Variants in TBC1D4 observed in about 807,000 individuals in gnomAD.
TBC1D4 encodes TBC1 domain family member 4.
A neutral mutation model predicts 142.5 loss-of-function variants in TBC1D4; 121 were observed. The ratio of observed to expected loss-of-function variants is 0.85; its 90% confidence interval spans 0.73 to 0.99. TBC1D4 has a LOEUF of 0.99. Among genes scored for constraint, TBC1D4 ranks in the 50% least tolerant of loss-of-function variants. The pLI is 0.00. For synonymous variants in TBC1D4, 630 were observed against 628.2 expected (o/e 1.00, Z -0.04); for missense variants, 1,475 against 1,606.6 (o/e 0.92, Z 1.40).
At chr13:75,394,160 T>A (rs1388723351) in intron 1 of TBC1D4, among the ~76,000 whole-genome samples, 1 of 152,178 alleles carries the variant, frequency 6.6e-6, no homozygotes, top group Admixed American at 6.5e-5. Context: ...TACAATTACC[T>A]TATAAGACAA....
intron 13 of TBC1D4, among the ~76,000 whole-genome samples, chr13:75,311,589 T>C (rs1877759918): frequency 6.6e-6 from 1 of 152,190 alleles, no homozygotes; most frequent in Admixed American, 6.5e-5. Flanking sequence ...TATCAATATA[T>C]TCATGGCTTT....
intron 8 of TBC1D4, among the ~76,000 whole-genome samples, chr13:75,332,967 A>T (rs911340723): frequency 7.2e-5 from 11 of 152,240 alleles, no homozygotes; most frequent in Non-Finnish European, 1.5e-4. Context: ...TTAACTAAAC[A>T]TATTCTTATA....
chr13:75,306,319 T>C lies in TBC1D4; in HGVS notation c.2746A>G (p.Lys916Glu), dbSNP rs1256861908. ...CDMEDIHTLL[K>E]EGVPKSRRGE... ...CTGAGATTATCCCAAATACCTTCTT[T>C]AAGAAGAGTATGAATATCTTCCATA... is the stretch of plus-strand genomic sequence containing the variant. Residue 916 changes from lysine (K) to glutamate (E), a missense_variant, in exon 15 of 21, where the codon AAA becomes GAA. Coordinates refer to ENST00000377636, the MANE Select transcript of TBC1D4 (RefSeq NM_014832.5). 6.2e-7 allele frequency: 1 copy of C among 1,610,050 alleles called. No homozygotes were observed.
intron 1 of TBC1D4, among the ~76,000 whole-genome samples, chr13:75,428,645 T>G (rs1228573576): frequency 6.6e-6 from 1 of 152,192 alleles, no homozygotes; most frequent in Non-Finnish European, 1.5e-5. Context: ...GAGGAGCAAT[T>G]TTCTTCCAAA....
At chr13:75,462,832 G>A (rs1204749984) in intron 1 of TBC1D4, among the ~76,000 whole-genome samples, 3 of 152,114 alleles carry the variant, frequency 2.0e-5, no homozygotes, top group Admixed American at 6.5e-5. Context: ...CCACCTCCCC[G>A]CTGCTTGTAA....
At chr13:75,373,201 A>G (rs1258602277) in intron 1 of TBC1D4, among the ~76,000 whole-genome samples, 1 of 152,218 alleles carries the variant, frequency 6.6e-6, no homozygotes, top group Non-Finnish European at 1.5e-5. Flanking sequence ...AAAAAACGCC[A>G]CACATTTCTC....
intron 1 of TBC1D4, among the ~76,000 whole-genome samples, chr13:75,418,828 T>C (rs933467632): frequency 6.6e-6 from 1 of 152,212 alleles, no homozygotes; most frequent in African/African-American, 2.4e-5. Context: ...ATTCACTCCC[T>C]ACTCTCTGCT....
chr13:75,294,086 G>C (rs759832630), intron 18 of TBC1D4, among the ~76,000 whole-genome samples: 4 of 152,202 alleles, frequency 2.6e-5, no homozygotes, highest in Non-Finnish European at 5.9e-5. Context: ...ACAAACCTCT[G>C]ATGAAGAGTT....
At chr13:75,302,821 T>C in intron 15 of TBC1D4, 2 of 228,370 alleles carry the variant, frequency 8.8e-6, no homozygotes, top group Non-Finnish European at 1.7e-5. Context: ...GGCTAGGAAG[T>C]GGCAGTTTAG....
Position 75,345,668 on chromosome 13 carries a change from G to A in TBC1D4, c.1408+3502C>T, listed in dbSNP as rs574108402. On this transcript the variant is annotated intron_variant, in intron 5 of 20. Coordinates refer to ENST00000377636, the MANE Select transcript of TBC1D4 (RefSeq NM_014832.5). ...AGCACTTTGGGAGGCCAAGGCGGGCGGATTGCCTGAGCTCAGGAGTTTGAG... is the reference window on the plus strand; with the variant it reads ...AGCACTTTGGGAGGCCAAGGCGGGCAGATTGCCTGAGCTCAGGAGTTTGAG... Among the ~76,000 whole-genome samples the A allele has an allele frequency of 3.0e-3, 452 of 152,006 alleles. 5 individuals are homozygous for A. The highest frequency in any genetic ancestry group is 3.4e-3 in the Middle Eastern group (1 of 294).
chr13:75,463,763 T>C (rs752735680), intron 1 of TBC1D4, among the ~76,000 whole-genome samples: 1 of 152,184 alleles, frequency 6.6e-6, no homozygotes, highest in Non-Finnish European at 1.5e-5. Flanking sequence ...CATCTTATTA[T>C]AGAAATAAGA....
intron 12 of TBC1D4, among the ~76,000 whole-genome samples, chr13:75,318,141 G>A (rs956419021): frequency 6.6e-6 from 1 of 152,192 alleles, no homozygotes; most frequent in African/African-American, 2.4e-5. Context: ...ATGCTCTAAT[G>A]ACCACTCACA....
intron 1 of TBC1D4, among the ~76,000 whole-genome samples, chr13:75,442,778 G>A (rs555487987): frequency 1.4e-4 from 20 of 147,848 alleles, no homozygotes; most frequent in Non-Finnish European, 2.4e-4. Context: ...ACTCGGTTTC[G>A]GAAAAAAAAA....
At chr13:75,400,157 T>C (rs1489858039) in intron 1 of TBC1D4, among the ~76,000 whole-genome samples, 1 of 152,194 alleles carries the variant, frequency 6.6e-6, no homozygotes, top group Admixed American at 6.5e-5. Flanking sequence ...GAAAGGTGAA[T>C]TGTTATGTAC....
intron 1 of TBC1D4, among the ~76,000 whole-genome samples, chr13:75,462,243 A>G (rs1325527803): frequency 2.0e-5 from 3 of 152,172 alleles, no homozygotes; most frequent in Non-Finnish European, 4.4e-5. Flanking sequence ...GGAAACAGCA[A>G]ATGGACCAGA....
intron 1 of TBC1D4, among the ~76,000 whole-genome samples, chr13:75,375,149 A>G (rs561628295): frequency 3.9e-5 from 6 of 152,360 alleles, no homozygotes; most frequent in African/African-American, 9.6e-5. Flanking sequence ...GTCTGGTACC[A>G]TACTCCTTCA....
At chr13:75,421,953 C>T (rs565699836) in intron 1 of TBC1D4, among the ~76,000 whole-genome samples, 20 of 152,284 alleles carry the variant, frequency 1.3e-4, no homozygotes, top group Admixed American at 5.9e-4. Flanking sequence ...ATGCACATTT[C>T]GGGTATTAAA....
chr13:75,426,885 CA>C (rs56281309), intron 1 of TBC1D4, among the ~76,000 whole-genome samples: 74,113 of 137,840 alleles, frequency 0.54, 23,079 homozygotes, highest in East Asian at 0.67. Context: ...GGAAAAAATA[CA>C]AAAAAAAAAA....
chr13:75,434,529 A>AT (rs1275317673), intron 1 of TBC1D4, among the ~76,000 whole-genome samples: 1 of 152,088 alleles, frequency 6.6e-6, no homozygotes, highest in African/African-American at 2.4e-5. Context: ...GGCAGAAAAG[A>AT]TAACTATTGT....
Sources: allele counts gnomAD v4.1 joint callset (sites outside exome capture counted in the v4.1 genomes callset), GRCh38; gene constraint gnomAD v4.1.1; transcripts MANE v1.5; gene names NCBI Gene and HGNC (gene_info 2026-07-23, HGNC 2026-07-21).